The following CHST11 variants were observed in gnomAD, a reference collection of about 807,000 sequenced individuals.
CHST11 encodes C4S-1.
A neutral mutation model predicts 30.4 loss-of-function variants in CHST11; 9 were observed. The ratio of observed to expected loss-of-function variants is 0.30; its 90% CI spans 0.18 to 0.52. The LOEUF is 0.52. Ranked by LOEUF, CHST11 falls within the 20% of genes least tolerant of loss-of-function variation. The pLI, the probability that CHST11 is intolerant of heterozygous loss-of-function variation, is 0.97. For missense variants in CHST11, 348 were observed against 460.6 expected (o/e 0.76, Z 2.24); for synonymous variants, 152 against 187.8 (o/e 0.81, Z 1.56).
At chr12:104,603,438 G>T (rs1432574372) in intron 2 of CHST11, among the ~76,000 whole-genome samples, 48 of 152,212 alleles carry the variant, frequency 3.2e-4, no homozygotes, top group Non-Finnish European at 1.5e-5. Flanking sequence ...CCTGTGGATG[G>T]AAGGTCCATG....
At chr12:104,746,066 G>C (rs2040386730) in intron 2 of CHST11, among the ~76,000 whole-genome samples, 2 of 152,172 alleles carry the variant, frequency 1.3e-5, no homozygotes, top group Admixed American at 6.5e-5. Flanking sequence ...TATGATGTTG[G>C]CTCTGGGTTT....
chr12:104,460,770 G>A (rs562526231), intron 1 of CHST11, among the ~76,000 whole-genome samples: 4 of 152,066 alleles, frequency 2.6e-5, no homozygotes, highest in African/African-American at 9.6e-5. Context: ...TCATAGAATT[G>A]ATTAATTTGC....
intron 2 of CHST11, among the ~76,000 whole-genome samples, chr12:104,665,689 A>T (rs2039635213): frequency 7.7e-6 from 1 of 130,556 alleles, no homozygotes; most frequent in East Asian, 2.2e-4. Context: ...AACACTCTGC[A>T]TTTAAATTTG....
chr12:104,477,851 G>T (rs1000404471), intron 1 of CHST11, among the ~76,000 whole-genome samples: 11 of 152,242 alleles, frequency 7.2e-5, no homozygotes, highest in Non-Finnish European at 1.2e-4. Flanking sequence ...TCTGCAGTTG[G>T]AAAGACACAA....
At chr12:104,617,401 C>T (rs527265314) in intron 2 of CHST11, among the ~76,000 whole-genome samples, 44 of 152,314 alleles carry the variant, frequency 2.9e-4, no homozygotes, top group African/African-American at 9.9e-4. Flanking sequence ...CTTCAAAAGA[C>T]ATTTTTAGGT....
chr12:104,666,747 G>C (rs1490364110), intron 2 of CHST11, among the ~76,000 whole-genome samples: 1 of 152,204 alleles, frequency 6.6e-6, no homozygotes, highest in East Asian at 1.9e-4. Flanking sequence ...AGAAGCTAGG[G>C]AAGTCCTGTG....
rs61741813 is a variant in CHST11 at position 104,620,297 on chromosome 12, G to A, written c.204+18306G>A. Among the ~76,000 whole-genome samples, 1,384 of 152,268 alleles carry A rather than the reference G, an allele frequency of 9.1e-3. 27 individuals carry two copies. Among genetic ancestry groups the A allele is most frequent in the African/African-American group, 0.031 (1,300 of 41,540 alleles). On this transcript the variant is annotated intron_variant, in intron 2 of 2. Transcript: ENST00000303694. ...CCATAGGTTTTCCTTCATTTTCCAGGATAAATGAGCTGGAGTTTGAAAAGA... is the reference window on the plus strand; with the variant it reads ...CCATAGGTTTTCCTTCATTTTCCAGAATAAATGAGCTGGAGTTTGAAAAGA...
intron 2 of CHST11, among the ~76,000 whole-genome samples, chr12:104,743,253 A>G (rs1440495892): frequency 6.6e-6 from 1 of 152,248 alleles, no homozygotes; most frequent in African/African-American, 2.4e-5. Context: ...TACAAAGAAA[A>G]GGGAAGCAGG....
chr12:104,542,495 A>C (rs1344767354), intron 1 of CHST11, among the ~76,000 whole-genome samples: 5 of 152,264 alleles, frequency 3.3e-5, no homozygotes, highest in African/African-American at 4.8e-5. Context: ...TACTAAGTGA[A>C]ATCAGCCAGA....
At chr12:104,502,715 A>G (rs1201778864) in intron 1 of CHST11, among the ~76,000 whole-genome samples, 2 of 152,216 alleles carry the variant, frequency 1.3e-5, no homozygotes, top group East Asian at 3.8e-4. Flanking sequence ...GAGAGACACC[A>G]GCGTGGGGCA....
chr12:104,631,061 G>A (rs1451169453), intron 2 of CHST11, among the ~76,000 whole-genome samples: 2 of 152,180 alleles, frequency 1.3e-5, no homozygotes, highest in South Asian at 2.1e-4. Flanking sequence ...CGAAGTGTGC[G>A]TTTTGCTGGA....
chr12:104,595,931 C>T (rs772491397), intron 1 of CHST11, among the ~76,000 whole-genome samples: 1 of 152,192 alleles, frequency 6.6e-6, no homozygotes. Context: ...CTGGAACTTA[C>T]TTGGTTTTAG....
rs1302275475 is a variant in CHST11, at chr12:104,759,995, T to G, written c.*2192T>G. 1 of 152,236 alleles carries G rather than the reference T, an allele frequency of 6.6e-6. No individual in the cohort carries two copies. Among genetic ancestry groups the G allele is most frequent in the African/African-American group, 2.4e-5 (1 of 41,474 alleles). 9.4% of individuals were successfully genotyped at this position (152,236 alleles called of 1,614,324 possible). ...TTGGTGTGATGCAGACTAAGGGTTT[T>G]GTGGTCAAATATCCTTAAGAAACAA... On this transcript the variant is annotated 3_prime_UTR_variant, in exon 3 of 3. Coordinates refer to ENST00000303694, the MANE Select transcript of CHST11 (RefSeq NM_018413.6).
At chr12:104,583,721 C>CTTTTTGTTTTT (rs2038771531) in intron 1 of CHST11, among the ~76,000 whole-genome samples, 1 of 10,084 alleles carries the variant, frequency 9.9e-5, no homozygotes, top group African/African-American at 1.1e-4. Flanking sequence ...AGATCTCTCT[C>CTTTTTGTTTTT]TTTTTTTTGA....
chr12:104,642,967 A>G (rs548392795), intron 2 of CHST11, among the ~76,000 whole-genome samples: 1 of 152,322 alleles, frequency 6.6e-6, no homozygotes, highest in Admixed American at 6.5e-5. Flanking sequence ...TAAGGAACAC[A>G]TTGTCATACC....
chr12:104,750,392 A>T (rs1273864328), intron 2 of CHST11, among the ~76,000 whole-genome samples: 1 of 137,448 alleles, frequency 7.3e-6, no homozygotes, highest in East Asian at 2.1e-4. Context: ...GTTTGTTTTG[A>T]ACTTGTAGTT....
At chr12:104,619,524 G>T (rs1050008515) in intron 2 of CHST11, among the ~76,000 whole-genome samples, 1 of 152,130 alleles carries the variant, frequency 6.6e-6, no homozygotes. Context: ...CCACTGGGTC[G>T]TGTTTCGAGC....
chr12:104,641,235 G>A (rs976570118), intron 2 of CHST11, among the ~76,000 whole-genome samples: 1 of 152,180 alleles, frequency 6.6e-6, no homozygotes, highest in Non-Finnish European at 1.5e-5. Flanking sequence ...CCTCCTGGAT[G>A]CCAGACAAGA....
chr12:104,620,459 C>T (rs898144525), intron 2 of CHST11, among the ~76,000 whole-genome samples: 6 of 152,184 alleles, frequency 3.9e-5, no homozygotes, highest in Non-Finnish European at 2.9e-5. Context: ...TTATGCTCAT[C>T]CATAGCCTTC....
Sources: gnomAD v4.1 joint callset for allele counts (sites outside exome capture counted in the v4.1 genomes callset) on GRCh38, gnomAD v4.1.1 for gene constraint, MANE v1.5 for transcripts, NCBI Gene and HGNC (gene_info 2026-07-23, HGNC 2026-07-21) for gene names.